Variants in BICC1 observed in about 807,000 individuals in gnomAD.
BICC1 encodes BicC family RNA binding protein 1, also known as protein bicaudal C homolog 1.
BICC1 carries 43 observed loss-of-function variants against 111.0 expected under a neutral mutation model. That is an observed-to-expected ratio of 0.39 (90% CI 0.30 to 0.50). The LOEUF (loss-of-function observed/expected upper bound fraction) is 0.50. Ranked by LOEUF, BICC1 falls within the 20% of genes least tolerant of loss-of-function variation. BICC1 has a pLI of 0.88. For missense variants in BICC1, 1,091 were observed against 1,203.2 expected, an observed-to-expected ratio of 0.91 and a Z score of 1.38; for synonymous variants, 467 against 434.4, an observed-to-expected ratio of 1.07 and a Z score of -0.93.
At chr10:58,696,056 T>C (rs1416332726) in intron 2 of BICC1, among the ~76,000 whole-genome samples, 2 of 152,146 alleles carry the variant, frequency 1.3e-5, no homozygotes, top group African/African-American at 4.8e-5. Context: ...TAATTCTAGC[T>C]TTTGTAAACA....
intron 2 of BICC1, chr10:58,650,608 A>G (rs1156631198): frequency 6.6e-6 from 1 of 152,130 alleles, no homozygotes; most frequent in Non-Finnish European, 1.5e-5. Context: ...ATTCTTATTC[A>G]TGGCTCAAAT....
At chr10:58,665,189 G>C (rs913026011) in intron 2 of BICC1, among the ~76,000 whole-genome samples, 2 of 152,094 alleles carry the variant, frequency 1.3e-5, no homozygotes, top group Non-Finnish European at 2.9e-5. Context: ...CTTGTGTGCC[G>C]AAGCCTCAGG....
At chr10:58,787,878 C>T (rs547327057) in intron 5 of BICC1, among the ~76,000 whole-genome samples, 38 of 152,266 alleles carry the variant, frequency 2.5e-4, no homozygotes, top group Admixed American at 2.4e-3. Context: ...AAGACTAACA[C>T]CTTGAGTCAG....
chr10:58,648,484 C>G (rs1232580547), intron 2 of BICC1: 1 of 982,840 alleles, frequency 1.0e-6, no homozygotes, highest in Non-Finnish European at 1.2e-6. Context: ...GTAGAATACT[C>G]TTGTATGCTG....
intron 3 of BICC1, among the ~76,000 whole-genome samples, chr10:58,720,385 C>T (rs950414176): frequency 3.9e-5 from 6 of 152,186 alleles, no homozygotes; most frequent in South Asian, 2.1e-4. Context: ...TCAGTCTCTG[C>T]CCTTTGGATA....
intron 2 of BICC1, among the ~76,000 whole-genome samples, chr10:58,643,979 A>C (rs994767397): frequency 2.0e-5 from 3 of 152,206 alleles, no homozygotes; most frequent in Non-Finnish European, 4.4e-5. Flanking sequence ...GAAATAATAT[A>C]GTTTGCTTTC....
rs752744638 is a variant in BICC1 at position 58,789,847 on chromosome 10, C to T, written c.961C>T (p.Pro321Ser). 6.2e-7 allele frequency: 1 copy of T among 1,614,040 alleles called. No individual in the cohort carries two copies. The highest frequency in any genetic ancestry group is 1.3e-5 in the African/African-American group (1 of 74,934). Residue 321 changes from proline (P) to serine (S), a missense_variant, in exon 8 of 21, where the codon CCT becomes TCT. Pro to Ser is a moderately conservative substitution (Grantham distance 74). Transcript: ENST00000373886. The stretch of plus-strand genomic sequence containing the variant: ...GAGAACAGGTGCTCAGATCCACTTT[C>T]CTGATCCCAGTAATCCACAAAAGAA... ...MQRTGAQIHF[P>S]DPSNPQKKST...
intron 1 of BICC1, among the ~76,000 whole-genome samples, chr10:58,605,672 T>C (rs1459038669): frequency 6.6e-6 from 1 of 152,344 alleles, no homozygotes; most frequent in East Asian, 1.9e-4. Flanking sequence ...CCTGATACAA[T>C]GTAAATGATA....
At chr10:58,610,099 A>G (rs1203804363) in intron 1 of BICC1, among the ~76,000 whole-genome samples, 4 of 152,240 alleles carry the variant, frequency 2.6e-5, no homozygotes, top group South Asian at 4.1e-4. Flanking sequence ...TGAAGTTCGA[A>G]TAAACCCTTA....
chr10:58,692,630 T>C (rs1393436954), intron 2 of BICC1, among the ~76,000 whole-genome samples: 2 of 152,202 alleles, frequency 1.3e-5, no homozygotes, highest in East Asian at 3.8e-4. Flanking sequence ...TAAAAACTTG[T>C]TAAGTTCGAA....
At chr10:58,628,960 A>T (rs1350615152) in intron 2 of BICC1, among the ~76,000 whole-genome samples, 1 of 152,200 alleles carries the variant, frequency 6.6e-6, no homozygotes, top group African/African-American at 2.4e-5. Flanking sequence ...CCTGACATGT[A>T]GCTTGGAGAC....
At chr10:58,572,431 T>C (rs987395863) in intron 1 of BICC1, among the ~76,000 whole-genome samples, 34 of 152,168 alleles carry the variant, frequency 2.2e-4, no homozygotes, top group African/African-American at 7.5e-4. Flanking sequence ...AATTAAAGAC[T>C]TGTTTAATCG....
At chr10:58,553,602 G>T (rs1410004570) in intron 1 of BICC1, among the ~76,000 whole-genome samples, 1 of 152,036 alleles carries the variant, frequency 6.6e-6, no homozygotes, top group African/African-American at 2.4e-5. Context: ...TGTTACAGCA[G>T]CATTAGGAAA....
chr10:58,801,090 A>C, intron 14 of BICC1, 44 bp downstream of exon 14: 1 of 1,505,420 alleles, frequency 6.6e-7, no homozygotes. Context: ...TTTTGAAATG[A>C]TATATATTTG....
At chr10:58,534,640 AAT>A in intron 1 of BICC1, among the ~76,000 whole-genome samples, 1 of 151,806 alleles carries the variant, frequency 6.6e-6, no homozygotes, top group African/African-American at 2.4e-5. Flanking sequence ...AGTCTACCCA[AAT>A]GAGAAGGAAC....
Position 58,803,257 on chromosome 10 carries a change from A to T in BICC1, c.2181+15A>T, listed in dbSNP as rs770291992. 2.3e-4 allele frequency: 358 copies of T among 1,569,312 alleles called. 1 individual carries two copies. The East Asian group carries it at 7.2e-3, about 31-fold the overall frequency. ...TCAACATGCAGGTAATGGTAATAAAATAGGAAAGCCACTCAAATGTCATAT... is the reference window on the plus strand; with the variant it reads ...TCAACATGCAGGTAATGGTAATAAATTAGGAAAGCCACTCAAATGTCATAT... On this transcript the variant is annotated intron_variant, in intron 15 of 20. Transcript: ENST00000373886.
intron 1 of BICC1, among the ~76,000 whole-genome samples, chr10:58,529,936 G>T (rs190089018): frequency 2.6e-5 from 4 of 151,660 alleles, no homozygotes; most frequent in African/African-American, 9.7e-5. Flanking sequence ...TTGCATAAAT[G>T]ATTAGCTTTC....
rs1443219623 is a variant in BICC1, at chr10:58,788,366, A to G, written c.547-4A>G. ...TCTAACTTTGTATTTTCCTCCTCTTATAGGTATCTATAGCGGGACAACCAG... is the reference window on the plus strand; with the variant it reads ...TCTAACTTTGTATTTTCCTCCTCTTGTAGGTATCTATAGCGGGACAACCAG... On this transcript the variant is annotated splice_polypyrimidine_tract_variant and splice_region_variant and intron_variant, in intron 5 of 20. Coordinates refer to ENST00000373886, the MANE Select transcript of BICC1 (RefSeq NM_001080512.3). 2 of 1,603,332 alleles carry G rather than the reference A, an allele frequency of 1.2e-6. No homozygotes were observed. The highest frequency in any genetic ancestry group is 1.7e-5 in the Admixed American group (1 of 59,882).
At chr10:58,751,633 A>ATC (rs1841993723) in intron 3 of BICC1, among the ~76,000 whole-genome samples, 1 of 152,176 alleles carries the variant, frequency 6.6e-6, no homozygotes, top group Non-Finnish European at 1.5e-5. Context: ...GAATAATTTA[A>ATC]CATCCAGGAA....
Sources: gnomAD v4.1 joint callset for allele counts (sites outside exome capture counted in the v4.1 genomes callset) on GRCh38, gnomAD v4.1.1 for gene constraint, MANE v1.5 for transcripts, NCBI Gene and HGNC (gene_info 2026-07-23, HGNC 2026-07-21) for gene names.